The following ARHGAP6 variants were observed in gnomAD, a reference collection of about 807,000 sequenced individuals.
The protein encoded by ARHGAP6 is rho GTPase-activating protein 6.
ARHGAP6 carries 16 observed loss-of-function variants against 55.7 expected under a neutral mutation model. That is an observed-to-expected ratio of 0.29 (90% confidence interval 0.19 to 0.44). ARHGAP6 has a LOEUF of 0.44. Ranked by LOEUF, ARHGAP6 falls within the 20% of genes least tolerant of loss-of-function variation. The pLI, the probability that ARHGAP6 is intolerant of heterozygous loss-of-function variation, is 1.00. For synonymous variants in ARHGAP6, 382 were observed against 360.9 expected (o/e 1.06, Z -0.66); for missense variants, 698 against 808.9 (o/e 0.86, Z 1.66).
chrX:11,651,085 A>G (rs186149537), intron 1 of ARHGAP6, among the ~76,000 whole-genome samples: 162 of 111,875 alleles, frequency 1.4e-3, no homozygotes, highest in Non-Finnish European at 2.5e-3. Flanking sequence ...CAGAAACCTG[A>G]CTCATTGCAT....
intron 2 of ARHGAP6, among the ~76,000 whole-genome samples, chrX:11,239,035 G>T: frequency 8.9e-6 from 1 of 112,168 alleles, no homozygotes; most frequent in Non-Finnish European, 1.9e-5. Flanking sequence ...TGTGGAAACT[G>T]GTGAAATCTG....
chrX:11,246,431 C>T (rs1037222991), intron 2 of ARHGAP6, among the ~76,000 whole-genome samples: 1 of 111,326 alleles, frequency 9.0e-6, no homozygotes, highest in African/African-American at 3.3e-5. Context: ...GAAAGGTGAT[C>T]GATGCTCTTT....
At chrX:11,178,367 T>G in intron 7 of ARHGAP6, 119 bp from the exon 8 acceptor site, 1 of 858,010 alleles carries the variant, frequency 1.2e-6, no homozygotes, top group Non-Finnish European at 1.6e-6. Flanking sequence ...TCCCATTTCA[T>G]GCCTTCACTC....
intron 1 of ARHGAP6, among the ~76,000 whole-genome samples, chrX:11,356,629 G>C (rs1283067274): frequency 9.1e-6 from 1 of 110,424 alleles, no homozygotes; most frequent in African/African-American, 3.3e-5. Context: ...TAAATCTCTT[G>C]ATCACTGTTA....
chrX:11,354,910 T>C (rs761157493), intron 1 of ARHGAP6, among the ~76,000 whole-genome samples: 1 of 111,744 alleles, frequency 8.9e-6, no homozygotes, highest in East Asian at 2.8e-4. Flanking sequence ...CATAATATAA[T>C]AGAAGAGAGA....
chrX:11,663,351 C>T (rs2052721045), intron 1 of ARHGAP6, among the ~76,000 whole-genome samples: 1 of 111,963 alleles, frequency 8.9e-6, no homozygotes, highest in African/African-American at 3.2e-5. Context: ...AATCTCCCTT[C>T]CCTTATGGAA....
At chrX:11,405,064 G>A (rs752111161) in intron 1 of ARHGAP6, among the ~76,000 whole-genome samples, 1 of 112,048 alleles carries the variant, frequency 8.9e-6, no homozygotes, top group South Asian at 3.8e-4. Context: ...GGCACCCAGC[G>A]TCCTGGTAGG....
At chrX:11,279,999 A>G (rs1467959820) in intron 1 of ARHGAP6, among the ~76,000 whole-genome samples, 3 of 110,895 alleles carry the variant, frequency 2.7e-5, no homozygotes, top group Non-Finnish European at 5.7e-5. Flanking sequence ...TTGCCTGGAG[A>G]CATTTTTGGT....
intron 1 of ARHGAP6, among the ~76,000 whole-genome samples, chrX:11,538,360 A>G (rs1428506984): frequency 8.9e-6 from 1 of 111,840 alleles, no homozygotes; most frequent in Non-Finnish European, 1.9e-5. Flanking sequence ...ATCTGATAAT[A>G]AAAAGGGACT....
At chrX:11,599,724 T>A (rs752606883) in intron 1 of ARHGAP6, among the ~76,000 whole-genome samples, 2 of 111,409 alleles carry the variant, frequency 1.8e-5, no homozygotes, top group Non-Finnish European at 3.8e-5. Flanking sequence ...TAACTACAGG[T>A]AACAATAGTG....
chrX:11,386,489 G>A (rs1032637861), intron 1 of ARHGAP6, among the ~76,000 whole-genome samples: 1 of 111,379 alleles, frequency 9.0e-6, no homozygotes, highest in Non-Finnish European at 1.9e-5. Context: ...GAATCTAGAC[G>A]TGACGAGATG....
chrX:11,442,878 A>G (rs935932554), intron 1 of ARHGAP6, among the ~76,000 whole-genome samples: 3 of 112,211 alleles, frequency 2.7e-5, no homozygotes, highest in African/African-American at 9.7e-5. Context: ...GACATGTCAT[A>G]GGCATCATTT....
chrX:11,612,561 C>G (rs983555081), intron 1 of ARHGAP6, among the ~76,000 whole-genome samples: 1 of 112,219 alleles, frequency 8.9e-6, no homozygotes, highest in Non-Finnish European at 1.9e-5. Context: ...AGCAAGAAGA[C>G]AGTTGTCCAT....
At chrX:11,411,272 C>T (rs1200275969) in intron 1 of ARHGAP6, among the ~76,000 whole-genome samples, 3 of 82,023 alleles carry the variant, frequency 3.7e-5, no homozygotes, top group Non-Finnish European at 6.9e-5. Context: ...TATATGTTTA[C>T]GTTAGATTTA....
At chrX:11,151,037 C>T (rs1006731383) in intron 10 of ARHGAP6, among the ~76,000 whole-genome samples, 4 of 111,422 alleles carry the variant, frequency 3.6e-5, no homozygotes, top group Admixed American at 2.9e-4. Flanking sequence ...TTGCCTCTCA[C>T]TAAGTCCCAG....
chrX:11,301,365 A>C (rs1037961198), intron 1 of ARHGAP6, among the ~76,000 whole-genome samples: 1 of 112,407 alleles, frequency 8.9e-6, no homozygotes, highest in East Asian at 2.8e-4. Flanking sequence ...TGTACTGTAT[A>C]GTCTTCAAAA....
chrX:11,640,973 T>A (rs1022991318), intron 1 of ARHGAP6, among the ~76,000 whole-genome samples: 21 of 111,405 alleles, frequency 1.9e-4, no homozygotes, highest in African/African-American at 6.8e-4. Flanking sequence ...GTTAAGGCAG[T>A]TTTACATCAC....
intron 1 of ARHGAP6, among the ~76,000 whole-genome samples, chrX:11,374,239 G>A (rs1041637418): frequency 9.0e-6 from 1 of 111,424 alleles, no homozygotes; most frequent in East Asian, 2.8e-4. Flanking sequence ...GACTGTGGTT[G>A]ACTTGGCCAG....
At chrX:11,507,195 A>T (rs2050743567) in intron 1 of ARHGAP6, among the ~76,000 whole-genome samples, 1 of 111,225 alleles carries the variant, frequency 9.0e-6, no homozygotes, top group Non-Finnish European at 1.9e-5. Flanking sequence ...AGGAATTCCT[A>T]AGAAATATCT....
Sources: allele counts gnomAD v4.1 joint callset (sites outside exome capture counted in the v4.1 genomes callset), GRCh38; gene constraint gnomAD v4.1.1; transcripts MANE v1.5; gene names NCBI Gene and HGNC (gene_info 2026-07-23, HGNC 2026-07-21).